Variants in TCF25 observed in about 807,000 individuals in gnomAD.
TCF25 encodes TCF25 ribosome quality control complex subunit, also known as ribosome quality control complex subunit TCF25.
In TCF25, 41 loss-of-function variants were observed where a neutral mutation model predicts 83.1. That is an observed-to-expected ratio of 0.49 (90% CI 0.38 to 0.64). The LOEUF (loss-of-function observed/expected upper bound fraction) is 0.64, where lower values mean the gene tolerates loss of function less well. Among genes scored for constraint, TCF25 ranks in the 30% least tolerant of loss-of-function variants. The pLI is 0.00. For synonymous variants in TCF25, 458 were observed against 365.0 expected (o/e 1.25, Z -2.90); for missense variants, 979 against 914.5 (o/e 1.07, Z -0.91).
At chr16:89,897,815 AAAACAAGAT>A (rs1048894582) in intron 9 of TCF25, among the ~76,000 whole-genome samples, 9 of 147,292 alleles carry the variant, frequency 6.1e-5, no homozygotes, top group African/African-American at 2.0e-4. Context: ...AATAAACAAA[AAAACAAGAT>A]AAAGATTTCA....
chr16:89,909,111 T>C lies in TCF25; in HGVS notation c.1800-1480T>C, dbSNP rs943169633. 5 of 1,288,860 alleles carry C rather than the reference T, an allele frequency of 3.9e-6. No homozygotes were observed. In the African/African-American group the frequency reaches 7.6e-5, roughly 20 times the overall value. 79.8% of individuals were successfully genotyped at this position (1,288,860 alleles called of 1,614,324 possible). A position where few individuals can be genotyped will look rare whatever the true frequency, so the allele number is the denominator to read the frequency against. On this transcript the variant is annotated intron_variant, in intron 16 of 17. Coordinates refer to ENST00000263346, the MANE Select transcript of TCF25 (RefSeq NM_014972.3). ...GCGAGTGACACAGTGGAAGCAGGTG[T>C]GCAGTGAAGTGGGGAAAACATATTA... is the stretch of plus-strand genomic sequence containing the variant.
At chr16:89,878,790 A>G (rs1164568587) in intron 1 of TCF25, among the ~76,000 whole-genome samples, 3 of 152,070 alleles carry the variant, frequency 2.0e-5, no homozygotes, top group African/African-American at 4.8e-5. Flanking sequence ...ACAGGCGCCC[A>G]CCACCACGCC....
chr16:89,902,948 T>G (rs2044467612), intron 12 of TCF25, among the ~76,000 whole-genome samples: 1 of 152,192 alleles, frequency 6.6e-6, no homozygotes, highest in Non-Finnish European at 1.5e-5. Flanking sequence ...TTGGGCAGCT[T>G]CTAGCACAGG....
chr16:89,876,418 T>C (rs1567689166), intron 1 of TCF25, among the ~76,000 whole-genome samples: 1 of 152,216 alleles, frequency 6.6e-6, no homozygotes, highest in African/African-American at 2.4e-5. Flanking sequence ...AGACATGGTG[T>C]TTCTCTTTTT....
intron 1 of TCF25, among the ~76,000 whole-genome samples, chr16:89,875,472 A>G (rs1055483025): frequency 7.4e-6 from 1 of 134,990 alleles, no homozygotes; most frequent in African/African-American, 2.9e-5. Context: ...TTACACATCC[A>G]TCTCTCTAGA....
At chr16:89,880,591 G>GA (rs1205020865) in intron 1 of TCF25, among the ~76,000 whole-genome samples, 3,887 of 141,304 alleles carry the variant, frequency 0.028, 163 homozygotes, top group African/African-American at 0.094. Flanking sequence ...CTCAAAAAAA[G>GA]AAAAAAAAAA....
At chr16:89,889,632 C>T in intron 5 of TCF25, 1 of 155,594 alleles carries the variant, frequency 6.4e-6, no homozygotes, top group Non-Finnish European at 1.4e-5. Context: ...CTCACCACAA[C>T]CTCCGCCTCC....
rs1295448391 is a variant in TCF25, at chr16:89,906,181, T to G, written c.1629-13T>G. On this transcript the variant is annotated splice_polypyrimidine_tract_variant and intron_variant, in intron 14 of 17. Coordinates refer to ENST00000263346, the MANE Select transcript of TCF25 (RefSeq NM_014972.3). ...TGCTTTATCTGCTGTGCCTTGTTTCTCCCCGGCCCTAGGCGGAAGGTGCTC... is the reference window on the plus strand; with the variant it reads ...TGCTTTATCTGCTGTGCCTTGTTTCGCCCCGGCCCTAGGCGGAAGGTGCTC... The G allele has an allele frequency of 2.5e-6, 4 of 1,611,794 alleles. No homozygotes were observed. Among genetic ancestry groups the G allele is most frequent in the African/African-American group, 1.3e-5 (1 of 74,902 alleles).
intron 1 of TCF25, chr16:89,878,707 C>G: frequency 1.0e-6 from 1 of 971,892 alleles, no homozygotes; most frequent in Non-Finnish European, 1.2e-6. Context: ...GTGGCACCAT[C>G]TCAGCTCACT....
At chr16:89,875,831 T>C (rs1020932531) in intron 1 of TCF25, among the ~76,000 whole-genome samples, 2 of 130,558 alleles carry the variant, frequency 1.5e-5, no homozygotes, top group African/African-American at 6.0e-5. Context: ...TTTTTTTTTT[T>C]TTTTTTTTTT....
At chr16:89,893,330 C>A (rs1056026602) in intron 6 of TCF25, among the ~76,000 whole-genome samples, 5 of 152,224 alleles carry the variant, frequency 3.3e-5, no homozygotes, top group Admixed American at 2.6e-4. Context: ...CGCACTCCAA[C>A]CCTGTCCTTC....
At chr16:89,910,003 CCCAGGCCCCGTCACCCGCACAG>C (rs2045414330) in intron 16 of TCF25, 1 of 152,764 alleles carries the variant, frequency 6.5e-6, no homozygotes. Context: ...ACTTGCCTTA[CCCAGGCCCCGTCACCCGCACAG>C]CGGTCGTCGT....
chr16:89,900,459 C>G (rs1209181013), intron 11 of TCF25, among the ~76,000 whole-genome samples, 176 bp from the exon 12 acceptor site: 1 of 152,120 alleles, frequency 6.6e-6, no homozygotes, highest in African/African-American at 2.4e-5. Context: ...TGCGGAAAGC[C>G]CCCCAGGTGG....
rs373971642 is a variant in TCF25, at chr16:89,895,798, A to C, written c.929-192A>C. ...TTGAAAGTGTTACCATGTCAAGCTCACAAGTTCTGTGGTTGAAATAAATGC... is the reference window on the plus strand; with the variant it reads ...TTGAAAGTGTTACCATGTCAAGCTCCCAAGTTCTGTGGTTGAAATAAATGC... On this transcript the variant is annotated intron_variant, in intron 8 of 17. Coordinates refer to ENST00000263346, the MANE Select transcript of TCF25 (RefSeq NM_014972.3). Among the ~76,000 whole-genome samples the C allele has an allele frequency of 1.1e-4, 16 of 152,366 alleles. No individual in the cohort carries two copies. In the East Asian group the frequency reaches 1.2e-3, roughly 11 times the overall value.
At chr16:89,902,688 CAAAAAAAAAGA>C (rs1464905807) in intron 12 of TCF25, among the ~76,000 whole-genome samples, 1 of 107,150 alleles carries the variant, frequency 9.3e-6, no homozygotes, top group African/African-American at 3.2e-5. Context: ...GACTCCGTCT[CAAAAAAAAAGA>C]AAAAAAAAAA....
rs541564716 is a variant in TCF25 at position 89,906,882 on chromosome 16, C to T, written c.1720-361C>T. ...CACGTGGCACTGTGCAACCCGAGGG[C>T]AGCTCAGGGTCCCTGTAGCCTGCAT... On this transcript the variant is annotated intron_variant, in intron 15 of 17. Transcript: ENST00000263346. Among the ~76,000 whole-genome samples the T allele has an allele frequency of 7.9e-5, 12 of 152,244 alleles. No homozygotes were observed. In the South Asian group the frequency reaches 2.5e-3, roughly 32 times the overall value.
rs2043822262 is a variant in TCF25 at position 89,896,022 on chromosome 16, C to T, written c.961C>T (p.His321Tyr). The T allele has an allele frequency of 6.2e-7, 1 of 1,613,922 alleles. No individual in the cohort carries two copies. The highest frequency in any genetic ancestry group is 8.5e-7 in the Non-Finnish European group (1 of 1,180,002). The change falls in exon 9 of 18, where the codon CAC (histidine) becomes TAC (tyrosine). Residue 321 changes from histidine to tyrosine, a missense_variant. Coordinates refer to ENST00000263346, the MANE Select transcript of TCF25 (RefSeq NM_014972.3). Reference protein sequence around the residue: ...RALYSMECAFHPLFSLTSGAC... With the variant: ...RALYSMECAFYPLFSLTSGAC... ...GCTGTACAGCATGGAATGTGCGTTCCACCCCCTGTTCAGTCTCACCAGTGG... is the reference window on the plus strand; with the variant it reads ...GCTGTACAGCATGGAATGTGCGTTCTACCCCCTGTTCAGTCTCACCAGTGG...
At chr16:89,898,339 AG>A (rs1361778111) in intron 9 of TCF25, among the ~76,000 whole-genome samples, 6 of 148,862 alleles carry the variant, frequency 4.0e-5, no homozygotes, top group African/African-American at 1.5e-4. Flanking sequence ...GGCGCTGAGC[AG>A]TGTGTGGGGT....
At chr16:89,891,194 T>C (rs1449520578) in intron 5 of TCF25, among the ~76,000 whole-genome samples, 3 of 152,240 alleles carry the variant, frequency 2.0e-5, no homozygotes, top group Admixed American at 2.0e-4. Flanking sequence ...TCGTTGGGTC[T>C]GTTCTGGAGG....
Sources: allele counts gnomAD v4.1 joint callset (sites outside exome capture counted in the v4.1 genomes callset), GRCh38; gene constraint gnomAD v4.1.1; transcripts MANE v1.5; gene names NCBI Gene and HGNC (gene_info 2026-07-23, HGNC 2026-07-21).